The following PDE4D variants were observed in gnomAD, a reference collection of about 807,000 sequenced individuals.
PDE4D encodes the protein phosphodiesterase 4D, also known as 3',5'-cyclic-AMP phosphodiesterase 4D.
In PDE4D, 24 loss-of-function variants were observed where a neutral mutation model predicts 87.4. The ratio of observed to expected loss-of-function variants is 0.27; its 90% CI spans 0.20 to 0.39. The LOEUF (loss-of-function observed/expected upper bound fraction) is 0.39, where lower values mean the gene tolerates loss of function less well. PDE4D is among the 10% of genes least tolerant of loss of function. The pLI, the probability that PDE4D is intolerant of heterozygous loss-of-function variation, is 1.00. For synonymous variants in PDE4D, 384 were observed against 383.2 expected (o/e 1.00, Z -0.02); for missense variants, 714 against 1,041.0 (o/e 0.69, Z 4.32).
chr5:60,481,799 A>G (rs776336072), intron 1 of PDE4D, among the ~76,000 whole-genome samples: 1 of 152,216 alleles, frequency 6.6e-6, no homozygotes, highest in Middle Eastern at 3.2e-3. Context: ...AATCTCTATA[A>G]TCACAATGTT....
At chr5:59,218,157 G>C (rs1307220987) in intron 1 of PDE4D, 1 of 279,190 alleles carries the variant, frequency 3.6e-6, no homozygotes, top group African/African-American at 2.3e-5. Context: ...AGCATGAGGA[G>C]GACCTAGTAA....
chr5:59,898,645 G>A (rs909286495), upstream of PDE4D, among the ~76,000 whole-genome samples: 10 of 152,172 alleles, frequency 6.6e-5, no homozygotes, highest in Non-Finnish European at 1.2e-4. Context: ...AGAGACTGGC[G>A]CAGACAATAA....
intron 2 of PDE4D, among the ~76,000 whole-genome samples, chr5:60,139,638 A>G (rs1271496810): frequency 6.6e-6 from 1 of 152,050 alleles, no homozygotes; most frequent in Non-Finnish European, 1.5e-5. Context: ...CAATAGAGGA[A>G]AAGGAAGGGA....
chr5:59,402,092 C>G (rs997293842), intron 1 of PDE4D, among the ~76,000 whole-genome samples: 1 of 152,170 alleles, frequency 6.6e-6, no homozygotes, highest in South Asian at 2.1e-4. Context: ...CCAGGCTATG[C>G]ACAGAAAACC....
intron 1 of PDE4D, among the ~76,000 whole-genome samples, chr5:59,512,654 A>G (rs1810475340): frequency 1.3e-5 from 2 of 152,154 alleles, no homozygotes; most frequent in East Asian, 3.8e-4. Flanking sequence ...GAAGGGTTTA[A>G]TATTGGATTT....
intron 2 of PDE4D, among the ~76,000 whole-genome samples, chr5:60,125,635 TTAGA>T (rs1318121578): frequency 1.2e-4 from 19 of 152,232 alleles, no homozygotes; most frequent in African/African-American, 9.6e-5. Flanking sequence ...AGTGATTCAA[TTAGA>T]TAGATAGATA....
exon 3 of PDE4D, chr5:59,988,664 T>C (rs1205959191): frequency 6.3e-7 from 1 of 1,599,316 alleles, no homozygotes; most frequent in South Asian, 1.1e-5. Flanking sequence ...AGGGTTCCAT[T>C]CCGCGGAAAG....
chr5:60,254,413 A>C (rs914196298), intron 1 of PDE4D, among the ~76,000 whole-genome samples: 1 of 151,978 alleles, frequency 6.6e-6, no homozygotes, highest in African/African-American at 2.4e-5. Context: ...CCTTTAAGCA[A>C]GTGAAGCATT....
intron 2 of PDE4D, among the ~76,000 whole-genome samples, chr5:60,115,984 A>G (rs906095846): frequency 1.1e-4 from 16 of 152,124 alleles, no homozygotes; most frequent in Non-Finnish European, 2.2e-4. Context: ...TTAGTATAGA[A>G]GATTTAAGTT....
intron 5 of PDE4D, among the ~76,000 whole-genome samples, chr5:59,087,132 A>T (rs536544227): frequency 3.3e-5 from 5 of 152,340 alleles, no homozygotes; most frequent in African/African-American, 9.6e-5. Context: ...GTAAATACAA[A>T]GCCAAAATGC....
At chr5:59,541,858 A>G (rs1448593665) in intron 1 of PDE4D, among the ~76,000 whole-genome samples, 1 of 152,114 alleles carries the variant, frequency 6.6e-6, no homozygotes, top group Non-Finnish European at 1.5e-5. Context: ...AATTGCATCT[A>G]GGTCATGACA....
At chr5:59,621,079 G>A (rs1830298438) in intron 1 of PDE4D, among the ~76,000 whole-genome samples, 1 of 146,686 alleles carries the variant, frequency 6.8e-6, no homozygotes, top group South Asian at 2.1e-4. Context: ...AAGTTCAATT[G>A]TAAAAGTTCA....
chr5:59,357,799 G>C lies in PDE4D; in HGVS notation c.456-141831C>G, dbSNP rs148780853. On this transcript the variant is annotated intron_variant, in intron 1 of 14. Transcript: ENST00000340635. ...CAAGGAGTCAAAGGACCCTAGTGCC[G>C]TCATCGGTCCTCACCACTGAGTGGT... 4.6e-5 allele frequency among the ~76,000 whole-genome samples: 7 copies of C among 152,282 alleles called. No individual in the cohort carries two copies. In the East Asian group the frequency reaches 1.3e-3, roughly 29 times the overall value.
At chr5:60,383,372 A>G (rs1761991368) in intron 1 of PDE4D, among the ~76,000 whole-genome samples, 1 of 152,172 alleles carries the variant, frequency 6.6e-6, no homozygotes. Context: ...ACCAACCAAA[A>G]CATTAGTTGT....
intron 1 of PDE4D, among the ~76,000 whole-genome samples, chr5:59,242,654 C>T (rs865989489): frequency 6.6e-6 from 1 of 152,096 alleles, no homozygotes; most frequent in African/African-American, 2.4e-5. Context: ...ACAACAGTAA[C>T]GATAATGAGT....
intron 3 of PDE4D, among the ~76,000 whole-genome samples, chr5:59,936,756 C>T (rs1037478460): frequency 6.6e-6 from 1 of 152,128 alleles, no homozygotes; most frequent in African/African-American, 2.4e-5. Context: ...TCCTTAGAAT[C>T]TGTAATGTAA....
chr5:59,580,933 A>G (rs1404929080), intron 1 of PDE4D, among the ~76,000 whole-genome samples: 20 of 152,060 alleles, frequency 1.3e-4, no homozygotes, highest in Admixed American at 1.3e-3. Context: ...TAGACTCTAG[A>G]TTATCTATCC....
chr5:59,280,077 A>C (rs1407598460), intron 1 of PDE4D, among the ~76,000 whole-genome samples: 1 of 152,096 alleles, frequency 6.6e-6, no homozygotes, highest in Non-Finnish European at 1.5e-5. Flanking sequence ...TTTAGGCACT[A>C]ACTTTTAGGT....
intron 1 of PDE4D, among the ~76,000 whole-genome samples, chr5:59,525,840 C>T (rs1404671485): frequency 1.3e-5 from 2 of 152,132 alleles, no homozygotes; most frequent in South Asian, 2.1e-4. Context: ...CACTTCCCTC[C>T]CCTGCCGCCA....
Sources: gnomAD v4.1 joint callset for allele counts (sites outside exome capture counted in the v4.1 genomes callset) on GRCh38, gnomAD v4.1.1 for gene constraint, MANE v1.5 for transcripts, NCBI Gene and HGNC (gene_info 2026-07-23, HGNC 2026-07-21) for gene names.